The following PRDM6 variants were observed in gnomAD, a reference collection of about 807,000 sequenced individuals.
The protein encoded by PRDM6 is putative histone-lysine N-methyltransferase PRDM6.
PRDM6 carries 25 observed loss-of-function variants against 60.8 expected under a neutral mutation model. That is an observed-to-expected ratio of 0.41 (90% confidence interval 0.30 to 0.57). PRDM6 has a LOEUF of 0.57. Among genes scored for constraint, PRDM6 ranks in the 20% least tolerant of loss-of-function variants. The pLI, the probability that PRDM6 is intolerant of heterozygous loss-of-function variation, is 0.27. For missense variants in PRDM6, 839 were observed against 821.3 expected (o/e 1.02, Z -0.26); for synonymous variants, 407 against 357.4 (o/e 1.14, Z -1.57).
chr5:123,174,599 A>G (rs894703519), intron 6 of PRDM6, among the ~76,000 whole-genome samples: 4 of 152,266 alleles, frequency 2.6e-5, no homozygotes, highest in Middle Eastern at 3.4e-3. Flanking sequence ...AGATATTTCA[A>G]CCTCCATCCA....
At chr5:123,113,877 C>A (rs542447758) in intron 3 of PRDM6, among the ~76,000 whole-genome samples, 1 of 152,196 alleles carries the variant, frequency 6.6e-6, no homozygotes. Flanking sequence ...CCATGGGCTT[C>A]ATATTTATTA....
At chr5:123,166,554 AACTG>A (rs1765757854) in intron 5 of PRDM6, among the ~76,000 whole-genome samples, 1 of 152,222 alleles carries the variant, frequency 6.6e-6, no homozygotes, top group South Asian at 2.1e-4. Context: ...CATTTGATGA[AACTG>A]AGTAAATATT....
chr5:123,184,131 T>C lies in PRDM6; in HGVS notation c.1674-2956T>C, dbSNP rs570707762. On this transcript the variant is annotated intron_variant, in intron 7 of 7. Coordinates refer to ENST00000407847, the MANE Select transcript of PRDM6 (RefSeq NM_001136239.4). Reference sequence around the variant, plus strand: ...CAGTAAATATGCATTGAACACATCATACATACAAAGCCCTGTGCAATTTGG... The same window carrying C: ...CAGTAAATATGCATTGAACACATCACACATACAAAGCCCTGTGCAATTTGG... 1.1e-3 allele frequency among the ~76,000 whole-genome samples: 171 copies of C among 152,178 alleles called. 1 individual carries two copies. Among genetic ancestry groups the C allele is most frequent in the Non-Finnish European group, 3.2e-4 (22 of 68,028 alleles).
intron 6 of PRDM6, among the ~76,000 whole-genome samples, chr5:123,177,351 G>T (rs1766038866): frequency 6.6e-6 from 1 of 152,160 alleles, no homozygotes; most frequent in Non-Finnish European, 1.5e-5. Context: ...TAGGCTGAAA[G>T]AGACACTGTT....
intron 4 of PRDM6, among the ~76,000 whole-genome samples, chr5:123,158,093 G>A (rs1351382245): frequency 6.6e-6 from 1 of 152,202 alleles, no homozygotes; most frequent in African/African-American, 2.4e-5. Flanking sequence ...GGCCTATTCG[G>A]TGCCTCAGAA....
intron 2 of PRDM6, among the ~76,000 whole-genome samples, chr5:123,096,749 GT>G (rs1414888721): frequency 6.6e-6 from 1 of 152,164 alleles, no homozygotes; most frequent in Admixed American, 6.5e-5. Context: ...CTACTATTAA[GT>G]TTTTCAACTC....
intron 2 of PRDM6, among the ~76,000 whole-genome samples, chr5:123,092,663 G>C (rs1763867547): frequency 6.6e-6 from 1 of 151,976 alleles, no homozygotes; most frequent in Non-Finnish European, 1.5e-5. Flanking sequence ...GATTGTTTCA[G>C]TGTTTGAAGT....
intron 5 of PRDM6, among the ~76,000 whole-genome samples, chr5:123,170,048 GGTCT>G (rs899005600): frequency 2.6e-5 from 4 of 152,098 alleles, no homozygotes; most frequent in African/African-American, 9.7e-5. Context: ...GCTCAGGAAT[GGTCT>G]GTGTCTACTT....
At chr5:123,132,471 A>T (rs145187843) in intron 3 of PRDM6, among the ~76,000 whole-genome samples, 26 of 152,124 alleles carry the variant, frequency 1.7e-4, no homozygotes, top group Non-Finnish European at 5.9e-5. Flanking sequence ...TGGATTTTCT[A>T]TAAGCGCTTT....
At chr5:123,135,289 T>G (rs546339567) in intron 3 of PRDM6, among the ~76,000 whole-genome samples, 6 of 152,330 alleles carry the variant, frequency 3.9e-5, no homozygotes, top group Non-Finnish European at 8.8e-5. Context: ...CAGATGAAGG[T>G]TTAGAAACCA....
chr5:123,175,304 C>A (rs959815408), intron 6 of PRDM6, among the ~76,000 whole-genome samples: 2 of 152,134 alleles, frequency 1.3e-5, no homozygotes, highest in African/African-American at 2.4e-5. Flanking sequence ...GCAAGTCTGC[C>A]TTCAGCCTCC....
chr5:123,164,091 C>T (rs111769172), intron 5 of PRDM6, among the ~76,000 whole-genome samples: 26 of 152,186 alleles, frequency 1.7e-4, no homozygotes, highest in African/African-American at 5.3e-4. Flanking sequence ...TGTGCAGGGC[C>T]CCAGGGGAAG....
Position 123,180,267 on chromosome 5 carries a change from C to A in PRDM6, c.1617C>A (p.Ala539=). The change falls in exon 7 of 8, where the codon GCC becomes GCA. Residue 539 remains alanine, a synonymous_variant. Coordinates refer to ENST00000407847, the MANE Select transcript of PRDM6 (RefSeq NM_001136239.4). ...GCGGCTACTGTGGTCGTGCCTTTGC[C>A]GGGGCCACCACCCTCAACAACCACA... ...FKCGYCGRAF[A]GATTLNNHIR... 6.4e-7 allele frequency: 1 copy of A among 1,551,742 alleles called. No homozygotes were observed. Among genetic ancestry groups the A allele is most frequent in the South Asian group, 1.2e-5 (1 of 84,058 alleles).
At chr5:123,169,454 A>G (rs959963121) in intron 5 of PRDM6, among the ~76,000 whole-genome samples, 1 of 152,292 alleles carries the variant, frequency 6.6e-6, no homozygotes, top group Non-Finnish European at 1.5e-5. Flanking sequence ...TTCTCCTTCT[A>G]TAACAAAAAT....
At chr5:123,117,123 T>C (rs1764468151) in intron 3 of PRDM6, among the ~76,000 whole-genome samples, 1 of 152,190 alleles carries the variant, frequency 6.6e-6, no homozygotes, top group South Asian at 2.1e-4. Context: ...AGCCCCCAAA[T>C]AGCTTTAAGC....
chr5:123,164,107 T>A (rs1397509565), intron 5 of PRDM6, among the ~76,000 whole-genome samples: 1 of 152,020 alleles, frequency 6.6e-6, no homozygotes, highest in Non-Finnish European at 1.5e-5. Flanking sequence ...GGAAGCGTTG[T>A]GATGGGTGCA....
chr5:123,170,687 A>T (rs1008718198), intron 5 of PRDM6, 79 bp from the exon 6 acceptor site: 1 of 1,027,968 alleles, frequency 9.7e-7, no homozygotes, highest in African/African-American at 1.6e-5. Context: ...GATTTATTTG[A>T]TTTTTTAAAA....
At chr5:123,104,199 A>C (rs1764160966) in intron 3 of PRDM6, among the ~76,000 whole-genome samples, 1 of 152,146 alleles carries the variant, frequency 6.6e-6, no homozygotes, top group Admixed American at 6.5e-5. Flanking sequence ...ATATTAATGA[A>C]AACCAATATT....
At chr5:123,125,658 G>T (rs1052721353) in intron 3 of PRDM6, among the ~76,000 whole-genome samples, 14 of 152,190 alleles carry the variant, frequency 9.2e-5, no homozygotes, top group Admixed American at 3.9e-4. Flanking sequence ...GATTAAGGAA[G>T]AAGTTACCTT....
Sources: allele counts gnomAD v4.1 joint callset (sites outside exome capture counted in the v4.1 genomes callset), GRCh38; gene constraint gnomAD v4.1.1; transcripts MANE v1.5; gene names NCBI Gene and HGNC (gene_info 2026-07-23, HGNC 2026-07-21).